The following RFWD3 variants were observed in gnomAD, a reference collection of about 807,000 sequenced individuals.
The protein encoded by RFWD3 is E3 ubiquitin-protein ligase RFWD3.
A neutral mutation model predicts 87.7 loss-of-function variants in RFWD3; 65 were observed. The observed-to-expected ratio is 0.74, with a 90% confidence interval of 0.61 to 0.91. The LOEUF is 0.91. RFWD3 is among the 40% of genes least tolerant of loss of function. The pLI is 0.00. For missense variants in RFWD3, 1,078 were observed against 938.5 expected (o/e 1.15, Z -1.94); for synonymous variants, 433 against 352.8 (o/e 1.23, Z -2.55).
intron 3 of RFWD3, among the ~76,000 whole-genome samples, chr16:74,650,549 T>C (rs1035936809): frequency 2.0e-5 from 3 of 152,112 alleles, no homozygotes; most frequent in African/African-American, 7.2e-5. Context: ...AGGAATCCCA[T>C]CAACCCTGCA....
At chr16:74,646,201 C>A (rs1005906130) in intron 4 of RFWD3, among the ~76,000 whole-genome samples, 1 of 151,996 alleles carries the variant, frequency 6.6e-6, no homozygotes, top group Non-Finnish European at 1.5e-5. Flanking sequence ...ATAGCAAGAC[C>A]TTGTCCCTGT....
At chr16:74,637,009 G>A (rs746815538) in intron 7 of RFWD3, among the ~76,000 whole-genome samples, 22 of 151,254 alleles carry the variant, frequency 1.5e-4, no homozygotes, top group Non-Finnish European at 2.8e-4. Context: ...CACCGCGCCC[G>A]GCCAGAACTG....
intron 1 of RFWD3, 37 bp from the exon 2 acceptor site, chr16:74,661,488 T>TA (rs1347510982): frequency 1.3e-6 from 2 of 1,495,738 alleles, no homozygotes; most frequent in Admixed American, 2.1e-5. Flanking sequence ...ATTAATAAAA[T>TA]AGATAAAACA....
chr16:74,651,780 T>G, intron 3 of RFWD3, 140 bp downstream of exon 3: 1 of 737,864 alleles, frequency 1.4e-6, no homozygotes, highest in Non-Finnish European at 2.3e-6. Context: ...CAGTGAAGGC[T>G]CTATACTATA....
In RFWD3 at chr16:74,661,130, T is replaced by C. The variant is rs771022616; in HGVS notation, c.320A>G (p.Asp107Gly). 1.2e-6 allele frequency: 2 copies of C among 1,614,184 alleles called. No individual in the cohort carries two copies. The highest frequency in any genetic ancestry group is 2.2e-5 in the South Asian group (2 of 91,086). The part of the protein sequence containing the change: ...RTSEQHRQGS[D>G]GNHTIPASSL... ...AGATGCTGGGATGGTGTGATTACCATCAGATCCCTGCCTATGTTGTTCTGA... is the reference window on the plus strand; with the variant it reads ...AGATGCTGGGATGGTGTGATTACCACCAGATCCCTGCCTATGTTGTTCTGA... Residue 107 changes from aspartate to glycine, a missense_variant, in exon 2 of 13, where the codon GAT becomes GGT. By Grantham distance (94) the Asp-to-Gly change is moderately conservative. Transcript: ENST00000361070.
In RFWD3 at chr16:74,632,462, G is replaced by A. The variant is rs906407331; in HGVS notation, c.1577+61C>T. The A allele has an allele frequency of 4.0e-5, 62 of 1,552,764 alleles. No homozygotes were observed. In the African/African-American group the frequency reaches 7.5e-4, roughly 19 times the overall value. ...GCTAAGGTCATCATAACACCGATACGAATTCCATGCTACTCAACACCAAAG... is the reference window on the plus strand; with the variant it reads ...GCTAAGGTCATCATAACACCGATACAAATTCCATGCTACTCAACACCAAAG... On this transcript the variant is annotated intron_variant, in intron 9 of 12. Coordinates refer to ENST00000361070, the MANE Select transcript of RFWD3 (RefSeq NM_018124.4).
intron 6 of RFWD3, 28 bp downstream of exon 6, chr16:74,644,334 T>A: frequency 6.2e-7 from 1 of 1,608,666 alleles, no homozygotes; most frequent in Non-Finnish European, 8.5e-7. Flanking sequence ...AAGGGAACAT[T>A]CCAGCCAGGC....
At position 74,629,832 on chromosome 16, in the gene RFWD3, G is replaced by A. The variant is rs536861817; in HGVS notation, c.1754+949C>T. Among the ~76,000 whole-genome samples, 3 of 152,276 alleles carry A rather than the reference G, an allele frequency of 2.0e-5. No homozygotes were observed. The East Asian group carries it at 5.8e-4, about 29-fold the overall frequency. On this transcript the variant is annotated intron_variant, in intron 10 of 12. Transcript: ENST00000361070. The stretch of plus-strand genomic sequence containing the variant: ...GTTAAGATACTTCAGATTTTGGCCA[G>A]GTCACAGACCCTACTCCCTTTTTGA...
chr16:74,639,826 G>C (rs1213835800), intron 6 of RFWD3, among the ~76,000 whole-genome samples: 3 of 152,162 alleles, frequency 2.0e-5, no homozygotes, highest in Non-Finnish European at 4.4e-5. Flanking sequence ...GAACAAAAGA[G>C]TACAGTGTCT....
At chr16:74,648,746 C>T (rs1383201639) in intron 4 of RFWD3, among the ~76,000 whole-genome samples, 2 of 151,432 alleles carry the variant, frequency 1.3e-5, no homozygotes, top group Admixed American at 1.3e-4. Context: ...CCGCACTCCA[C>T]CCTGGGCAAC....
In RFWD3 at chr16:74,637,879, T is replaced by G; in HGVS notation, c.1171A>C (p.Thr391Pro). The change falls in exon 7 of 13, where the codon ACT (threonine) becomes CCT (proline). Residue 391 changes from threonine (T) to proline (P), a missense_variant. Transcript: ENST00000361070. ...ACCTGAACACGCCTTTGAAGCCTAG[T>G]GCACTTATCAGTGAGGACCTGCAGT... is the stretch of plus-strand genomic sequence containing the variant. ...LQLQVLTDKC[T>P]RLQRRVQDLQ... 1 of 1,612,808 alleles carries G rather than the reference T, an allele frequency of 6.2e-7. No homozygotes were observed. Among genetic ancestry groups the G allele is most frequent in the East Asian group, 2.2e-5 (1 of 44,844 alleles).
intron 4 of RFWD3, among the ~76,000 whole-genome samples, chr16:74,646,481 T>C (rs1960155342): frequency 6.6e-6 from 1 of 152,038 alleles, no homozygotes; most frequent in African/African-American, 2.4e-5. Flanking sequence ...AACCATGCTT[T>C]ACATGATAAG....
At chr16:74,646,777 T>A (rs1002518462) in intron 4 of RFWD3, among the ~76,000 whole-genome samples, 2 of 150,958 alleles carry the variant, frequency 1.3e-5, no homozygotes, top group Admixed American at 1.3e-4. Flanking sequence ...TAGCTATTAA[T>A]AAGAACAAGA....
Position 74,624,095 on chromosome 16 carries a change from G to A in RFWD3, c.2182-24C>T, listed in dbSNP as rs551642954. 3.1e-6 allele frequency: 5 copies of A among 1,611,284 alleles called. No homozygotes were observed. The South Asian group carries it at 5.5e-5, about 18-fold the overall frequency. On this transcript the variant is annotated intron_variant, in intron 12 of 12. Transcript: ENST00000361070. ...AGCTAAAGAACACAAGCAGAGGGAA[G>A]GGTCAGGAGTCAGTCAGTACACGAA... is the stretch of plus-strand genomic sequence containing the variant.
chr16:74,647,737 G>T (rs371399366), intron 4 of RFWD3, among the ~76,000 whole-genome samples: 1 of 151,570 alleles, frequency 6.6e-6, no homozygotes, highest in South Asian at 2.1e-4. Context: ...GATTATATGC[G>T]CCTGCCAACA....
At chr16:74,653,432 C>A (rs904349197) in intron 2 of RFWD3, among the ~76,000 whole-genome samples, 4 of 150,426 alleles carry the variant, frequency 2.7e-5, no homozygotes, top group African/African-American at 9.8e-5. Context: ...AGAGAGTGAG[C>A]GAGCTATGGT....
chr16:74,659,514 G>C (rs1961262500), intron 2 of RFWD3, among the ~76,000 whole-genome samples: 1 of 152,042 alleles, frequency 6.6e-6, no homozygotes, highest in African/African-American at 2.4e-5. Context: ...AGAATCGCTT[G>C]AACCCGGGAG....
chr16:74,635,617 G>A (rs1223044575), intron 8 of RFWD3, among the ~76,000 whole-genome samples: 1 of 152,218 alleles, frequency 6.6e-6, no homozygotes, highest in African/African-American at 2.4e-5. Context: ...CCAATTTGGG[G>A]AACATTAGGA....
chr16:74,629,835 C>A (rs1160977952), intron 10 of RFWD3, among the ~76,000 whole-genome samples: 1 of 152,148 alleles, frequency 6.6e-6, no homozygotes, highest in Non-Finnish European at 1.5e-5. Flanking sequence ...TTGGCCAGGT[C>A]ACAGACCCTA....
Sources: gnomAD v4.1 joint callset for allele counts (sites outside exome capture counted in the v4.1 genomes callset) on GRCh38, gnomAD v4.1.1 for gene constraint, MANE v1.5 for transcripts, NCBI Gene and HGNC (gene_info 2026-07-23, HGNC 2026-07-21) for gene names.